Variants in SYNRG observed in about 807,000 individuals in gnomAD.
SYNRG encodes the protein synergin gamma.
In SYNRG, 37 loss-of-function variants were observed where a neutral mutation model predicts 130.9. That is an observed-to-expected ratio of 0.28 (90% confidence interval 0.22 to 0.37). SYNRG has a LOEUF of 0.37. Among genes scored for constraint, SYNRG ranks in the 10% least tolerant of loss-of-function variants. The pLI, the probability that SYNRG is intolerant of heterozygous loss-of-function variation, is 1.00. For missense variants in SYNRG, 1,338 were observed against 1,588.9 expected, an observed-to-expected ratio of 0.84 and a Z score of 2.68; for synonymous variants, 539 against 568.1, an observed-to-expected ratio of 0.95 and a Z score of 0.73.
chr17:37,536,271 TCCACTTCTCAATG>T, intron 18 of SYNRG, 144 bp from the exon 19 acceptor site: 1 of 1,004,026 alleles, frequency 1.0e-6, no homozygotes, highest in Non-Finnish European at 1.4e-6. Flanking sequence ...TTGGGACCAA[TCCACTTCTCAATG>T]CTGCTGTATA....
At chr17:37,534,028 G>A (rs180707318) in intron 19 of SYNRG, among the ~76,000 whole-genome samples, 27 of 131,602 alleles carry the variant, frequency 2.1e-4, no homozygotes, top group Non-Finnish European at 3.2e-4. Context: ...TCCATTTCCC[G>A]GGTTCAAGCA....
Position 37,553,868 on chromosome 17 carries a change from T to C in SYNRG, c.1855A>G (p.Met619Val), listed in dbSNP as rs764279277. 5.6e-6 allele frequency: 9 copies of C among 1,611,924 alleles called. No homozygotes were observed. In the Admixed American group the frequency reaches 1.5e-4, roughly 27 times the overall value. Reference protein sequence around the residue: ...KNPLNLADLDMFSSVNCSSEK... With the variant: ...KNPLNLADLDVFSSVNCSSEK... ...CTGCTGCAATTAACTGAGGAAAACA[T>C]ATCTAGGTCTGCTAAGTTCAGAGGG... The change falls in exon 14 of 22, where the codon ATG becomes GTG. Residue 619 changes from methionine to valine, a missense_variant. Around this residue, in one of 3 missense-constraint regions of SYNRG, gnomAD observed 1,146 missense variants for 1,342.3 expected, o/e 0.85. Coordinates refer to ENST00000612223, the MANE Select transcript of SYNRG (RefSeq NM_007247.6).
At chr17:37,594,302 TTAA>T (rs1474177220) in intron 3 of SYNRG, among the ~76,000 whole-genome samples, 1 of 147,452 alleles carries the variant, frequency 6.8e-6, no homozygotes, top group Non-Finnish European at 1.5e-5. Flanking sequence ...AATTACAATA[TTAA>T]TTATTTTAAT....
intron 17 of SYNRG, 30 bp downstream of exon 17, chr17:37,539,162 T>C (rs764051152): frequency 6.2e-7 from 1 of 1,613,050 alleles, no homozygotes; most frequent in East Asian, 2.2e-5. Context: ...AGCACTCACA[T>C]ATGTGTGAAC....
intron 19 of SYNRG, among the ~76,000 whole-genome samples, chr17:37,521,998 T>A (rs920616046): frequency 6.6e-6 from 1 of 151,974 alleles, no homozygotes; most frequent in Non-Finnish European, 1.5e-5. Context: ...AAGCAGGTGG[T>A]TGGATACACA....
rs543875769 is a variant in SYNRG, at chr17:37,607,675, G to C, written c.77+1604C>G. ...GTGGTGGCGCACGCCTGTAATCCCA[G>C]CTACTTGGGAGGCTGAGGCAGAAGA... On this transcript the variant is annotated intron_variant, in intron 1 of 21. Transcript: ENST00000612223. Among the ~76,000 whole-genome samples, 584 of 152,286 alleles carry C rather than the reference G, an allele frequency of 3.8e-3. 4 individuals carry two copies. Among genetic ancestry groups the C allele is most frequent in the African/African-American group, 0.013 (558 of 41,550 alleles).
intron 2 of SYNRG, among the ~76,000 whole-genome samples, chr17:37,599,408 A>AC (rs1194245771): frequency 6.6e-6 from 1 of 152,220 alleles, no homozygotes; most frequent in East Asian, 1.9e-4. Flanking sequence ...AGGTATACTT[A>AC]GAGAAATTTC....
At chr17:37,563,144 A>T (rs914787318) in intron 11 of SYNRG, among the ~76,000 whole-genome samples, 1 of 152,198 alleles carries the variant, frequency 6.6e-6, no homozygotes, top group Non-Finnish European at 1.5e-5. Flanking sequence ...CTCTGAAGTT[A>T]TTATTTTAAA....
At chr17:37,520,481 G>T in intron 20 of SYNRG, 57 bp downstream of exon 20, 1 of 1,522,578 alleles carries the variant, frequency 6.6e-7, no homozygotes. Flanking sequence ...AGATGAGGTT[G>T]TCCAGAGTCA....
At position 37,568,601 on chromosome 17, in the gene SYNRG, G is replaced by A. The variant is rs558698768; in HGVS notation, c.1481+190C>T. The A allele has an allele frequency of 5.7e-4, 318 of 553,556 alleles. 1 individual carries two copies. Among genetic ancestry groups the A allele is most frequent in the South Asian group, 1.3e-3 (38 of 29,742 alleles). 34.3% of individuals were successfully genotyped at this position (553,556 alleles called of 1,614,324 possible). On this transcript the variant is annotated intron_variant, in intron 11 of 21. Transcript: ENST00000612223. Reference sequence around the variant, plus strand: ...TGTGTACTTACAGGAAACAGTAGGAGCTGAAGTTTAAGATGGACAAAGGGG... The same window carrying A: ...TGTGTACTTACAGGAAACAGTAGGAACTGAAGTTTAAGATGGACAAAGGGG...
chr17:37,538,819 T>G (rs1480293035), intron 17 of SYNRG, among the ~76,000 whole-genome samples: 1 of 152,234 alleles, frequency 6.6e-6, no homozygotes, highest in Non-Finnish European at 1.5e-5. Context: ...GGTCTCAAAC[T>G]CCTGACCTCG....
chr17:37,518,905 G>GAA lies in SYNRG; in HGVS notation c.*33_*34dup. 2 of 1,465,556 alleles carry GAA rather than the reference G, an allele frequency of 1.4e-6. No homozygotes were observed. Among genetic ancestry groups the GAA allele is most frequent in the Non-Finnish European group, 9.3e-7 (1 of 1,073,350 alleles). The allele number at this position is 1,465,556 out of a possible 1,614,324, so 90.8% of individuals were successfully genotyped here. ...CCCTGTCACCCCGTGGGGTGTCACAGAAAAAAAAAAGTCAATGCTTCACAG... is the reference window on the plus strand; with the variant it reads ...CCCTGTCACCCCGTGGGGTGTCACAGAAAAAAAAAAAAGTCAATGCTTCACAG... On this transcript the variant is annotated 3_prime_UTR_variant, in exon 22 of 22. Transcript: ENST00000612223.
chr17:37,569,653 T>G (rs1448011978), intron 10 of SYNRG, among the ~76,000 whole-genome samples: 2 of 58,574 alleles, frequency 3.4e-5, no homozygotes, highest in African/African-American at 1.3e-4. Flanking sequence ...AGACTCTGTC[T>G]CAAAAAAAAA....
rs1369228168 is a variant in SYNRG at position 37,525,909 on chromosome 17, T to C, written c.3667-5261A>G. Among the ~76,000 whole-genome samples, 4 of 152,322 alleles carry C rather than the reference T, an allele frequency of 2.6e-5. 1 individual carries two copies. Among genetic ancestry groups the C allele is most frequent in the South Asian group, 4.1e-4 (2 of 4,830 alleles). Reference sequence around the variant, plus strand: ...TGAACCCAGGAGGTGGAGGTTGAAGTGAGCCAAGATCGCGCCATTGCACTC... The same window carrying C: ...TGAACCCAGGAGGTGGAGGTTGAAGCGAGCCAAGATCGCGCCATTGCACTC... On this transcript the variant is annotated intron_variant, in intron 19 of 21. Coordinates refer to ENST00000612223, the MANE Select transcript of SYNRG (RefSeq NM_007247.6).
intron 3 of SYNRG, among the ~76,000 whole-genome samples, chr17:37,594,222 T>A (rs950893978): frequency 1.4e-5 from 2 of 144,694 alleles, no homozygotes; most frequent in South Asian, 4.3e-4. Context: ...TTAATTATTT[T>A]AATTATATTA....
chr17:37,520,080 TG>T, intron 21 of SYNRG, 98 bp downstream of exon 21: 1 of 1,323,124 alleles, frequency 7.6e-7, no homozygotes, highest in Non-Finnish European at 1.1e-6. Flanking sequence ...GATTCATGAT[TG>T]GAACAGTTCA....
chr17:37,553,013 T>C (rs1017315164), intron 14 of SYNRG, 102 bp downstream of exon 14: 6 of 1,075,902 alleles, frequency 5.6e-6, no homozygotes, highest in Admixed American at 2.7e-5. Context: ...TAGAGATTCA[T>C]AAAGCTAAAG....
intron 11 of SYNRG, among the ~76,000 whole-genome samples, chr17:37,566,442 TCG>T (rs2060005120): frequency 6.8e-6 from 1 of 146,318 alleles, no homozygotes; most frequent in Admixed American, 6.9e-5. Context: ...GGCAGCATGC[TCG>T]TTAAGAGTCA....
Position 37,584,651 on chromosome 17 carries a change from G to GT in SYNRG, c.585dup (p.Pro196ThrfsTer14). On this transcript the variant is annotated frameshift_variant, in exon 6 of 22. Transcript: ENST00000612223. LOFTEE classifies it high-confidence loss of function. Reference sequence around the variant, plus strand: ...ATATAATGCCTCTTAAAACTACCTGGTTTCTTGGGGTGCGATGCTGGAGTA... The same window carrying GT: ...ATATAATGCCTCTTAAAACTACCTGGTTTTCTTGGGGTGCGATGCTGGAGTA... The GT allele has an allele frequency of 1.2e-6, 2 of 1,612,598 alleles. No individual in the cohort carries two copies. Among genetic ancestry groups the GT allele is most frequent in the Non-Finnish European group, 1.7e-6 (2 of 1,178,904 alleles).
Sources: allele counts gnomAD v4.1 joint callset (sites outside exome capture counted in the v4.1 genomes callset), GRCh38; gene constraint gnomAD v4.1.1; regional missense constraint gnomAD v4.1.1; transcripts MANE v1.5; gene names NCBI Gene and HGNC (gene_info 2026-07-23, HGNC 2026-07-21).